Variants in CYP26A1 observed in about 807,000 individuals in gnomAD.
CYP26A1 encodes the protein cytochrome P450 family 26 subfamily A member 1.
In CYP26A1, 46 loss-of-function variants were observed where a neutral mutation model predicts 47.4. The ratio of observed to expected loss-of-function variants is 0.97; its 90% CI spans 0.77 to 1.24. The LOEUF (loss-of-function observed/expected upper bound fraction) is 1.24. Among genes scored for constraint, CYP26A1 ranks in the 50% most tolerant of loss-of-function variants. The pLI is 0.00. For missense variants in CYP26A1, 680 were observed against 644.4 expected (o/e 1.06, Z -0.60); for synonymous variants, 277 against 263.7 (o/e 1.05, Z -0.49).
Position 93,074,572 on chromosome 10 carries a change from C to G in CYP26A1, c.414+40C>G, listed in dbSNP as rs934529217. The G allele has an allele frequency of 3.5e-5, 46 of 1,333,252 alleles. No homozygotes were observed. Among genetic ancestry groups the G allele is most frequent in the East Asian group, 2.8e-4 (12 of 43,402 alleles). 82.6% of individuals were successfully genotyped at this position (1,333,252 alleles called of 1,614,324 possible). On this transcript the variant is annotated intron_variant, in intron 2 of 6. Transcript: ENST00000224356. The surrounding 1 kb of genome is among the most constrained non-coding windows in gnomAD (Gnocchi z 5.3). ...CGACGGCTGGACAGGGAGGGGGACC[C>G]CATTTATGAGCGGAATTCCGGCTGA...
upstream of CYP26A1, chr10:93,073,679 A>T: frequency 1.9e-6 from 1 of 519,484 alleles, no homozygotes; most frequent in Non-Finnish European, 3.4e-6. Context: ...CCCGCACCCC[A>T]GGAGGCGCGC....
chr10:93,076,385 G>A, intron 5 of CYP26A1, 159 bp from the exon 6 acceptor site: 1 of 604,178 alleles, frequency 1.7e-6, no homozygotes, highest in South Asian at 2.1e-5. Context: ...TAGTGGATTT[G>A]GGCAGGCAAA....
chr10:93,076,906 G>C, intron 6 of CYP26A1, 57 bp from the exon 7 acceptor site: 1 of 1,218,136 alleles, frequency 8.2e-7, no homozygotes, highest in Non-Finnish European at 1.2e-6. Flanking sequence ...ACTGCTTTTT[G>C]TTGTTGAAAG....
In CYP26A1 at chr10:93,074,450, A is replaced by G. The variant is rs762569860; in HGVS notation, c.332A>G (p.His111Arg). Reference protein sequence around the residue: ...LLGEHRLVSVHWPASVRTILG... With the variant: ...LLGEHRLVSVRWPASVRTILG... ...GGAGAGCACCGGCTGGTGTCGGTCC[A>G]CTGGCCAGCGTCGGTGCGCACCATT... Residue 111 changes from histidine to arginine, a missense_variant, in exon 2 of 7, where the codon CAC becomes CGC. By Grantham distance (29) the His-to-Arg change is conservative. Coordinates refer to ENST00000224356, the MANE Select transcript of CYP26A1 (RefSeq NM_000783.4). This position sits in a 1 kb window ranked among gnomAD's most constrained non-coding sequence, Gnocchi z 5.3. 13 of 1,611,908 alleles carry G rather than the reference A, an allele frequency of 8.1e-6. No homozygotes were observed. The highest frequency in any genetic ancestry group is 2.2e-5 in the South Asian group (2 of 91,072).
In CYP26A1 at chr10:93,076,637, C is replaced by T. The variant is rs749743435; in HGVS notation, c.1093C>T (p.Arg365Ter). Residue 365 changes from arginine (R) to a stop codon, truncating the protein, a stop_gained, in exon 6 of 7, where the codon CGA (arginine) becomes TGA (stop). Coordinates refer to ENST00000224356, the MANE Select transcript of CYP26A1 (RefSeq NM_000783.4). LOFTEE classifies it high-confidence loss of function. ...CGGGTGTGTTATTAAGGAGACCCTTCGACTGAATCCCCCAGTTCCAGGAGG... is the reference window on the plus strand; with the variant it reads ...CGGGTGTGTTATTAAGGAGACCCTTTGACTGAATCCCCCAGTTCCAGGAGG... Reference protein sequence around the residue: ...YIGCVIKETLRLNPPVPGGFR... With the variant: ...YIGCVIKETL The T allele has an allele frequency of 3.7e-6, 6 of 1,609,960 alleles. No individual in the cohort carries two copies. Among genetic ancestry groups the T allele is most frequent in the South Asian group, 3.3e-5 (3 of 90,922 alleles).
At chr10:93,075,362 G>A in intron 4 of CYP26A1, 55 bp downstream of exon 4, 2 of 1,563,920 alleles carry the variant, frequency 1.3e-6, no homozygotes, top group South Asian at 1.1e-5. Context: ...GGCTTTCCAA[G>A]CGCTGTTCCT....
rs1434761606 is a variant in CYP26A1, at chr10:93,075,950, T to C, written c.989T>C (p.Leu330Pro). Residue 330 changes from leucine to proline, a missense_variant, in exon 5 of 7, where the codon CTG becomes CCG. Leu to Pro is a moderately conservative substitution (Grantham distance 98). Transcript: ENST00000224356. ...PHVLQKVREE[L>P]KSKGLLCKSN... ...GTTCTCCAGAAAGTGCGAGAAGAGC[T>C]GAAGAGTAAGGTAGGGAGACTGGGT... 1.2e-6 allele frequency: 2 copies of C among 1,613,176 alleles called. No homozygotes were observed. The highest frequency in any genetic ancestry group is 2.2e-5 in the South Asian group (2 of 91,068).
chr10:93,074,608 G>A lies in CYP26A1; in HGVS notation c.414+76G>A. The A allele has an allele frequency of 4.4e-6, 5 of 1,127,082 alleles. No individual in the cohort carries two copies. In the South Asian group the frequency reaches 6.3e-5, roughly 14 times the overall value. 69.8% of individuals were successfully genotyped at this position (1,127,082 alleles called of 1,614,324 possible). On this transcript the variant is annotated intron_variant, in intron 2 of 6. Transcript: ENST00000224356. The surrounding 1 kb of genome is among the most constrained non-coding windows in gnomAD (Gnocchi z 5.3). ...CGGAATTCCGGCTGATGGATGCTAG[G>A]CGCGGGCTAGCAGCTTGAGGTGGGC...
At chr10:93,073,867 A>G, upstream of CYP26A1, 1 of 644,530 alleles carries the variant, frequency 1.6e-6, no homozygotes. Context: ...CCGCCTATAA[A>G]GCGGCAGCGC....
Position 93,075,043 on chromosome 10 carries a change from G to T in CYP26A1, c.679G>T (p.Asp227Tyr). Residue 227 changes from aspartate (D) to tyrosine (Y), a missense_variant, in exon 3 of 7, where the codon GAC becomes TAC. Coordinates refer to ENST00000224356, the MANE Select transcript of CYP26A1 (RefSeq NM_000783.4). Reference sequence around the variant, plus strand: ...CCGCAATCTCTTCTCGCTGCCCATCGACGTGCCCTTCAGCGGGCTGTACCG... The same window carrying T: ...CCGCAATCTCTTCTCGCTGCCCATCTACGTGCCCTTCAGCGGGCTGTACCG... ...MTRNLFSLPI[D>Y]VPFSGLYRGM... 6.2e-7 allele frequency: 1 copy of T among 1,613,020 alleles called. No homozygotes were observed. The highest frequency in any genetic ancestry group is 8.5e-7 in the Non-Finnish European group (1 of 1,179,968).
In CYP26A1 at chr10:93,075,293, C is replaced by A. The variant is rs1205853071; in HGVS notation, c.850C>A (p.Arg284=). 3.1e-6 allele frequency: 5 copies of A among 1,613,660 alleles called. No homozygotes were observed. Among genetic ancestry groups the A allele is most frequent in the Non-Finnish European group, 4.2e-6 (5 of 1,179,786 alleles). ...CGAGCACTCGTGGGAGAGGGGAGAG[C>A]GGCTGGACATGCAGGTGAGTAGCAG... ...LIEHSWERGE[R]LDMQALKQSS... is the part of the protein sequence containing the mutation. The change falls in exon 4 of 7, where the codon CGG becomes AGG. Residue 284 remains arginine, a synonymous_variant. Transcript: ENST00000224356.
intron 4 of CYP26A1, 84 bp downstream of exon 4, chr10:93,075,391 G>A: frequency 7.5e-7 from 1 of 1,340,050 alleles, no homozygotes; most frequent in Non-Finnish European, 1.0e-6. Flanking sequence ...CAAAGCGCGC[G>A]CCTGGGGCCC....
In CYP26A1 at chr10:93,074,387, G is replaced by A; in HGVS notation, c.269G>A (p.Arg90Gln). 3 of 1,612,318 alleles carry A rather than the reference G, an allele frequency of 1.9e-6. No homozygotes were observed. The highest frequency in any genetic ancestry group is 1.7e-6 in the Non-Finnish European group (2 of 1,179,012). ...KTHLFGRPTV[R>Q]VMGADNVRRI... is the part of the protein sequence containing the mutation. ...CATCTGTTCGGGCGGCCCACCGTAC[G>A]GGTGATGGGCGCGGACAATGTGCGG... Residue 90 changes from arginine (R) to glutamine (Q), a missense_variant, in exon 2 of 7, where the codon CGG becomes CAG. By Grantham distance (43) the Arg-to-Gln change is conservative. Transcript: ENST00000224356. This position sits in a 1 kb window ranked among gnomAD's most constrained non-coding sequence, Gnocchi z 5.3.
chr10:93,076,039 G>C, intron 5 of CYP26A1, 79 bp downstream of exon 5: 1 of 1,123,292 alleles, frequency 8.9e-7, no homozygotes, highest in Admixed American at 1.8e-5. Context: ...GAATAAGTCA[G>C]TGTGCTGCCT....
At chr10:93,075,567 A>T in intron 4 of CYP26A1, 1 of 592,472 alleles carries the variant, frequency 1.7e-6, no homozygotes, top group South Asian at 2.2e-5. Flanking sequence ...AAATGTTAAT[A>T]AAGAACCTTG....
Position 93,075,241 on chromosome 10 carries a change from C to T in CYP26A1, c.798C>T (p.Gly266=). 6.2e-7 allele frequency: 1 copy of T among 1,614,062 alleles called. No individual in the cohort carries two copies. The highest frequency in any genetic ancestry group is 8.5e-7 in the Non-Finnish European group (1 of 1,179,994). Residue 266 remains glycine, a synonymous_variant, in exon 4 of 7, where the codon GGC becomes GGT. Coordinates refer to ENST00000224356, the MANE Select transcript of CYP26A1 (RefSeq NM_000783.4). ...CGLRASEAGQ[G]CKDALQLLIE... The stretch of plus-strand genomic sequence containing the variant: ...TGCGGGCATCCGAGGCGGGCCAGGG[C>T]TGCAAAGACGCGCTGCAGCTGTTGA...
rs745965108 is a variant in CYP26A1, at chr10:93,076,735, T to C, written c.1152+39T>C. 9 of 1,459,438 alleles carry C rather than the reference T, an allele frequency of 6.2e-6. No homozygotes were observed. The East Asian group carries it at 2.0e-4, about 33-fold the overall frequency. 90.4% of individuals were successfully genotyped at this position (1,459,438 alleles called of 1,614,324 possible). A position where few individuals can be genotyped will look rare whatever the true frequency, so the allele number is the denominator to read the frequency against. On this transcript the variant is annotated intron_variant, in intron 6 of 6. Transcript: ENST00000224356. ...CTCTTCTTTCTCCCTTTTGTTGTGG[T>C]TTAAAAACTCCTCTTTCTTCCCTAT...
chr10:93,075,799 A>G (rs1047023575), intron 4 of CYP26A1, 27 bp from the exon 5 acceptor site: 21 of 1,594,866 alleles, frequency 1.3e-5, no homozygotes, highest in Admixed American at 3.3e-5. Context: ...CAGACTTGTG[A>G]GAATGTGGGT....
Position 93,077,278 on chromosome 10 carries a change from T to A in CYP26A1, c.1468T>A (p.Phe490Ile). 1 of 1,544,296 alleles carries A rather than the reference T, an allele frequency of 6.5e-7. No individual in the cohort carries two copies. Among genetic ancestry groups the A allele is most frequent in the Non-Finnish European group, 8.7e-7 (1 of 1,144,732 alleles). The change falls in exon 7 of 7, where the codon TTC (phenylalanine) becomes ATC (isoleucine). Residue 490 changes from phenylalanine (F) to isoleucine (I), a missense_variant. Transcript: ENST00000224356. ...VYPVDNLPAR[F>I]THFHGEI is the part of the protein sequence containing the mutation. ...TCCTGTGGACAATCTCCCTGCAAGA[T>A]TCACCCATTTCCATGGGGAAATCTG...
Sources: gnomAD v4.1 joint callset for allele counts on GRCh38, gnomAD v4.1.1 for gene constraint, Gnocchi (gnomAD v3.1) non-coding constraint, MANE v1.5 for transcripts, NCBI Gene and HGNC (gene_info 2026-07-23, HGNC 2026-07-21) for gene names.